The following SRCAP variants were observed in gnomAD, a reference collection of about 807,000 sequenced individuals.
SRCAP encodes Snf2 related CREBBP activator protein, also known as chromatin remodeling protein SRCAP.
SRCAP carries 46 observed loss-of-function variants against 263.1 expected under a neutral mutation model. That is an observed-to-expected ratio of 0.17 (90% CI 0.14 to 0.22). SRCAP has a LOEUF of 0.22. Among genes scored for constraint, SRCAP ranks in the 10% least tolerant of loss-of-function variants. The pLI, the probability that SRCAP is intolerant of heterozygous loss-of-function variation, is 1.00. For synonymous variants in SRCAP, 1,813 were observed against 1,662.1 expected, an observed-to-expected ratio of 1.09 and a Z score of -2.21; for missense variants, 3,695 against 4,181.9, an observed-to-expected ratio of 0.88 and a Z score of 3.21.
intron 16 of SRCAP, among the ~76,000 whole-genome samples, chr16:30,714,133 T>C (rs11150593): frequency 0.97 from 145,140 of 149,128 alleles, 70,730 homozygotes; most frequent in Middle Eastern, 1. Context: ...GGCGCGGTCT[T>C]GGCTCACTGC....
In SRCAP at chr16:30,733,490, T is replaced by C. The variant is rs2053131689; in HGVS notation, c.6297+41T>C. 6.2e-7 allele frequency: 1 copy of C among 1,611,480 alleles called. No individual in the cohort carries two copies. The highest frequency in any genetic ancestry group is 1.7e-5 in the Admixed American group (1 of 59,848). ...GCAGCTCTTAGAGGCTCACCTCCGC[T>C]TCTCTCTCCTTTTCCCAGGATTTGG... On this transcript the variant is annotated intron_variant, in intron 28 of 33. Transcript: ENST00000262518. The surrounding 1 kb of genome is among the most constrained non-coding windows in gnomAD (Gnocchi z 5.3).
intron 20 of SRCAP, 30 bp from the exon 21 acceptor site, chr16:30,721,159 A>G: frequency 6.3e-7 from 1 of 1,576,418 alleles, no homozygotes. Context: ...GTCAGGGTAT[A>G]TCTGACAGGT....
intron 18 of SRCAP, among the ~76,000 whole-genome samples, chr16:30,719,144 C>A (rs1041503467): frequency 4.0e-5 from 6 of 151,148 alleles, no homozygotes; most frequent in African/African-American, 4.9e-5. Flanking sequence ...GATCTGCCCA[C>A]CTTGGCCTCC....
chr16:30,719,828 A>G (rs913036355), intron 18 of SRCAP, among the ~76,000 whole-genome samples: 6 of 152,070 alleles, frequency 3.9e-5, no homozygotes, highest in African/African-American at 1.2e-4. Flanking sequence ...ATTTTGGAGT[A>G]AGGGTGTACA....
At chr16:30,723,375 AG>A in intron 24 of SRCAP, 146 bp downstream of exon 24, 3 of 1,425,532 alleles carry the variant, frequency 2.1e-6, no homozygotes, top group Non-Finnish European at 2.8e-6. Context: ...GGGCTGCCTG[AG>A]CCCTGACCTA....
chr16:30,704,402 T>C, intron 4 of SRCAP, 87 bp downstream of exon 4: 3 of 1,483,616 alleles, frequency 2.0e-6, no homozygotes, highest in South Asian at 1.4e-5. Flanking sequence ...GTTTCTTTTC[T>C]TTTTTGTCAT....
rs2053221992 is a variant in SRCAP at position 30,741,256 on chromosome 16, G to C, written c.*1523G>C. 2 of 152,542 alleles carry C rather than the reference G, an allele frequency of 1.3e-5. No individual in the cohort carries two copies. The highest frequency in any genetic ancestry group is 1.3e-4 in the Admixed American group (2 of 15,280). The allele number at this position is 152,542 out of a possible 1,614,324, so 9.4% of individuals were successfully genotyped here. A position where few individuals can be genotyped will look rare whatever the true frequency, so the allele number is the denominator to read the frequency against. On this transcript the variant is annotated 3_prime_UTR_variant, in exon 34 of 34. Coordinates refer to ENST00000262518, the MANE Select transcript of SRCAP (RefSeq NM_006662.3). Reference sequence around the variant, plus strand: ...CTTACCTTTCTCCATTCCCATAACTGTTTTCATGTAAAATGGCTGCTTTGC... The same window carrying C: ...CTTACCTTTCTCCATTCCCATAACTCTTTTCATGTAAAATGGCTGCTTTGC...
In SRCAP at chr16:30,737,958, G is replaced by A. The variant is rs759648639; in HGVS notation, c.7918G>A (p.Glu2640Lys). Residue 2640 changes from glutamate to lysine, a missense_variant, in exon 34 of 34, where the codon GAG becomes AAG. Transcript: ENST00000262518. ...CACCCTTACAGTGCTGCCTGAAGGTGAGGAGTTGCCCCTGTGTGTGAGTGA... is the reference window on the plus strand; with the variant it reads ...CACCCTTACAGTGCTGCCTGAAGGTAAGGAGTTGCCCCTGTGTGTGAGTGA... ...GTTLTVLPEG[E>K]ELPLCVSESN... 6.2e-7 allele frequency: 1 copy of A among 1,614,076 alleles called. No homozygotes were observed. The highest frequency in any genetic ancestry group is 2.2e-5 in the East Asian group (1 of 44,898).
chr16:30,720,484 C>G (rs1296572096), intron 19 of SRCAP, among the ~76,000 whole-genome samples, 153 bp downstream of exon 19: 1 of 152,154 alleles, frequency 6.6e-6, no homozygotes, highest in Non-Finnish European at 1.5e-5. Flanking sequence ...GAGAGAATAA[C>G]TAGAAGAGGG....
intron 27 of SRCAP, among the ~76,000 whole-genome samples, chr16:30,731,682 C>T (rs1056615326): frequency 4.0e-5 from 6 of 151,780 alleles, no homozygotes; most frequent in Non-Finnish European, 5.9e-5. Context: ...GGCAACATGG[C>T]GAAACCCTGT....
rs376501621 is a variant in SRCAP, at chr16:30,729,473, T to C, written c.6028T>C (p.Leu2010=). The change falls in exon 27 of 34, where the codon TTG becomes CTG. Residue 2010 remains leucine, a synonymous_variant. Transcript: ENST00000262518. ...ACGTCAGGCAGCCTTCCAGGAGCAA[T>C]TGGCCTCTGAGCTCTGGCCCCGGGC... is the stretch of plus-strand genomic sequence containing the variant. The part of the protein sequence containing the change: ...APRQAAFQEQ[L]ASELWPRARP... 3.7e-6 allele frequency: 6 copies of C among 1,614,062 alleles called. No homozygotes were observed. In the African/African-American group the frequency reaches 5.3e-5, roughly 14 times the overall value.
chr16:30,702,476 C>T (rs2052776938), intron 3 of SRCAP, among the ~76,000 whole-genome samples: 1 of 151,228 alleles, frequency 6.6e-6, no homozygotes, highest in African/African-American at 2.4e-5. Context: ...TCTGGTAATC[C>T]ACCCGCCTCA....
Position 30,721,205 on chromosome 16 carries a change from G to C in SRCAP, c.3270G>C (p.Leu1090=). 2 of 1,610,588 alleles carry C rather than the reference G, an allele frequency of 1.2e-6. No individual in the cohort carries two copies. Among genetic ancestry groups the C allele is most frequent in the Non-Finnish European group, 1.7e-6 (2 of 1,178,070 alleles). Residue 1090 remains leucine (L), a synonymous_variant, in exon 21 of 34, where the codon CTG becomes CTC. Transcript: ENST00000262518. ...TGTCTGCAGTGTTGCCATCCCCCCT[G>C]GGGGTCCTGAGTGGGACCTCACGGC... is the stretch of plus-strand genomic sequence containing the variant. ...GSLPQVLPSP[L]GVLSGTSRPP...
At chr16:30,705,947 A>T (rs185228385) in intron 4 of SRCAP, among the ~76,000 whole-genome samples, 3 of 151,656 alleles carry the variant, frequency 2.0e-5, no homozygotes, top group Admixed American at 6.6e-5. Flanking sequence ...CTTGTGATCC[A>T]CCCGCCTTGG....
chr16:30,739,034 T>C lies in SRCAP; in HGVS notation c.8994T>C (p.Ile2998=), dbSNP rs1467866796. ...TVANTVTTVT[I]STSPPKRKRG... Reference sequence around the variant, plus strand: ...CCAACACTGTCACCACTGTCACCATTTCAACGTCCCCACCCAAACGGAAGA... The same window carrying C: ...CCAACACTGTCACCACTGTCACCATCTCAACGTCCCCACCCAAACGGAAGA... Residue 2998 remains isoleucine (I), a synonymous_variant, in exon 34 of 34, where the codon ATT becomes ATC. Coordinates refer to ENST00000262518, the MANE Select transcript of SRCAP (RefSeq NM_006662.3). 6.2e-7 allele frequency: 1 copy of C among 1,614,136 alleles called. No homozygotes were observed. The highest frequency in any genetic ancestry group is 8.5e-7 in the Non-Finnish European group (1 of 1,180,016).
chr16:30,719,297 G>T (rs546928838), intron 18 of SRCAP, among the ~76,000 whole-genome samples: 1 of 151,690 alleles, frequency 6.6e-6, no homozygotes, highest in East Asian at 1.9e-4. Context: ...CTCACTGCAA[G>T]CTCCGCCCCT....
chr16:30,721,151 CAG>C (rs2053007554), intron 20 of SRCAP, 36 bp from the exon 21 acceptor site: 2 of 1,565,030 alleles, frequency 1.3e-6, no homozygotes, highest in Admixed American at 1.8e-5. Context: ...AGGCTTTAGT[CAG>C]GGTATATCTG....
Position 30,712,253 on chromosome 16 carries a change from C to T in SRCAP, c.1816-9C>T, listed in dbSNP as rs1567242895. The stretch of plus-strand genomic sequence containing the variant: ...TTCCATTGTGTTACCTATATTTCCT[C>T]TCTGACAGGTAAAGACGCCCATTCC... On this transcript the variant is annotated splice_polypyrimidine_tract_variant and intron_variant, in intron 12 of 33. Transcript: ENST00000262518. The T allele has an allele frequency of 1.9e-6, 3 of 1,592,986 alleles. No homozygotes were observed. Among genetic ancestry groups the T allele is most frequent in the Non-Finnish European group, 2.6e-6 (3 of 1,168,782 alleles).
At chr16:30,736,997 C>T (rs940253698) in intron 33 of SRCAP, 52 bp from the exon 34 acceptor site, 2 of 1,524,794 alleles carry the variant, frequency 1.3e-6, no homozygotes, top group African/African-American at 1.4e-5. Flanking sequence ...TTTCTACTCA[C>T]TCTCTACTCT....
Sources: gnomAD v4.1 joint callset for allele counts (sites outside exome capture counted in the v4.1 genomes callset) on GRCh38, gnomAD v4.1.1 for gene constraint, Gnocchi (gnomAD v3.1) non-coding constraint, MANE v1.5 for transcripts, NCBI Gene and HGNC (gene_info 2026-07-23, HGNC 2026-07-21) for gene names.